The following IL12RB2 variants were observed in gnomAD, a reference collection of about 807,000 sequenced individuals.
IL12RB2 encodes the protein interleukin-12 receptor subunit beta-2.
Under a neutral mutation model 89.4 loss-of-function variants are expected in IL12RB2, and 82 were observed. That is an observed-to-expected ratio of 0.92 (90% CI 0.77 to 1.10). The LOEUF is 1.10. Among genes scored for constraint, IL12RB2 ranks in the 50% least tolerant of loss-of-function variants. The pLI is 0.00. For missense variants in IL12RB2, 963 were observed against 1,031.9 expected, an observed-to-expected ratio of 0.93 and a Z score of 0.92; for synonymous variants, 368 against 370.1, an observed-to-expected ratio of 0.99 and a Z score of 0.07.
chr1:67,339,224 C>T (rs1010432994), intron 9 of IL12RB2, among the ~76,000 whole-genome samples: 6 of 152,158 alleles, frequency 3.9e-5, no homozygotes, highest in South Asian at 2.1e-4. Context: ...CAGTGGCTCA[C>T]GCCTGTAATC....
chr1:67,357,362 A>T (rs1047098951), intron 10 of IL12RB2, among the ~76,000 whole-genome samples: 1 of 152,196 alleles, frequency 6.6e-6, no homozygotes, highest in Non-Finnish European at 1.5e-5. Flanking sequence ...TGGGTGACAG[A>T]GTGAGATTCT....
At chr1:67,346,378 ATTTTTTTT>A (rs10577525) in intron 9 of IL12RB2, among the ~76,000 whole-genome samples, 1,421 of 93,838 alleles carry the variant, frequency 0.015, 38 homozygotes, top group East Asian at 0.093. Context: ...AGGGTTGTCT[ATTTTTTTT>A]TTTTTTTTTT....
chr1:67,331,619 C>T (rs1423987972), intron 8 of IL12RB2, among the ~76,000 whole-genome samples: 1 of 152,132 alleles, frequency 6.6e-6, no homozygotes, highest in African/African-American at 2.4e-5. Context: ...GTGGGCAGAT[C>T]ACGAGGTCAG....
chr1:67,324,547 G>C (rs1358602509), intron 4 of IL12RB2, among the ~76,000 whole-genome samples: 1 of 152,104 alleles, frequency 6.6e-6, no homozygotes, highest in Admixed American at 6.6e-5. Flanking sequence ...GTAGAGACAG[G>C]GTTTCACCAT....
intron 9 of IL12RB2, 84 bp from the exon 10 acceptor site, chr1:67,350,786 T>G: frequency 6.3e-7 from 1 of 1,577,254 alleles, no homozygotes; most frequent in Non-Finnish European, 8.6e-7. Flanking sequence ...AGCTGCCTAG[T>G]ACATCTGTAC....
intron 9 of IL12RB2, among the ~76,000 whole-genome samples, chr1:67,347,129 A>G (rs1381595519): frequency 6.6e-6 from 1 of 152,188 alleles, no homozygotes; most frequent in Non-Finnish European, 1.5e-5. Flanking sequence ...TACAGCTGCT[A>G]TGTGGTAGAG....
chr1:67,371,420 A>G (rs1431077465), intron 11 of IL12RB2, among the ~76,000 whole-genome samples: 1 of 152,152 alleles, frequency 6.6e-6, no homozygotes, highest in Non-Finnish European at 1.5e-5. Flanking sequence ...CTTCCTGAAA[A>G]AAAAAAAAGT....
intron 15 of IL12RB2, 68 bp downstream of exon 15, chr1:67,386,737 A>C: frequency 1.9e-6 from 2 of 1,051,624 alleles, no homozygotes; most frequent in East Asian, 4.7e-5. Flanking sequence ...TGTTGCTGCC[A>C]TGGGTCAGGG....
chr1:67,361,468 A>G (rs1283088668), intron 10 of IL12RB2, among the ~76,000 whole-genome samples: 1 of 152,234 alleles, frequency 6.6e-6, no homozygotes, highest in Non-Finnish European at 1.5e-5. Flanking sequence ...ATTCTAAGAA[A>G]GGGTCAAAAA....
intron 13 of IL12RB2, 39 bp from the exon 14 acceptor site, chr1:67,379,947 C>T (rs1234277546): frequency 6.8e-7 from 1 of 1,475,858 alleles, no homozygotes; most frequent in Admixed American, 1.7e-5. Context: ...AAAGCCATAT[C>T]CTTTAATACA....
Position 67,380,002 on chromosome 1 carries a change from C to G in IL12RB2, c.1734C>G (p.Val578=). Reference sequence around the variant, plus strand: ...TCCTTTCAGAAATTCCCTACAGAGTCTCCCAAAATTCACATCCAATAAACA... The same window carrying G: ...TCCTTTCAGAAATTCCCTACAGAGTGTCCCAAAATTCACATCCAATAAACA... ...QPQLCEIPYR[V]SQNSHPINSL... The change falls in exon 14 of 17, where the codon GTC becomes GTG. Residue 578 remains valine, a synonymous_variant. Transcript: ENST00000674203. The G allele has an allele frequency of 1.2e-6, 2 of 1,611,074 alleles. No homozygotes were observed. The highest frequency in any genetic ancestry group is 1.7e-6 in the Non-Finnish European group (2 of 1,177,154).
At chr1:67,347,260 G>T (rs1660340355) in intron 9 of IL12RB2, among the ~76,000 whole-genome samples, 1 of 152,128 alleles carries the variant, frequency 6.6e-6, no homozygotes, top group Non-Finnish European at 1.5e-5. Context: ...GCTTTCTAAG[G>T]TCTAGATTAT....
At chr1:67,320,250 G>A (rs1656315787) in intron 2 of IL12RB2, 83 bp from the exon 3 acceptor site, 1 of 1,585,302 alleles carries the variant, frequency 6.3e-7, no homozygotes. Context: ...AAATAAAGCG[G>A]CACTTGAAGC....
chr1:67,364,101 A>G (rs1344985065), intron 10 of IL12RB2, among the ~76,000 whole-genome samples: 1 of 152,212 alleles, frequency 6.6e-6, no homozygotes, highest in East Asian at 1.9e-4. Flanking sequence ...TTAAATATAT[A>G]GACATATAGG....
chr1:67,318,031 C>T (rs897704693), intron 2 of IL12RB2, among the ~76,000 whole-genome samples: 1 of 152,112 alleles, frequency 6.6e-6, no homozygotes, highest in Non-Finnish European at 1.5e-5. Context: ...GAGGGGCTGT[C>T]TGGGGAAGTA....
intron 14 of IL12RB2, among the ~76,000 whole-genome samples, chr1:67,382,794 A>C (rs975112996): frequency 6.6e-6 from 1 of 151,422 alleles, no homozygotes; most frequent in African/African-American, 2.4e-5. Flanking sequence ...CAGCCTCAAA[A>C]TCCTGGGCCC....
rs1657597649 is a variant in IL12RB2, at chr1:67,328,286, C to A, written c.566C>A (p.Pro189His). 1 of 1,614,074 alleles carries A rather than the reference C, an allele frequency of 6.2e-7. No individual in the cohort carries two copies. Among genetic ancestry groups the A allele is most frequent in the Admixed American group, 1.7e-5 (1 of 60,006 alleles). Reference protein sequence around the residue: ...DYLDFGINLTPESPESNFTAK... With the variant: ...DYLDFGINLTHESPESNFTAK... ...TTGGACTTTGGAATCAACCTCACCC[C>A]TGAATCACCTGAATCCAATTTCACA... Residue 189 changes from proline (P) to histidine (H), a missense_variant, in exon 6 of 17, where the codon CCT becomes CAT. Physicochemically the swap from Pro to His is moderately conservative, Grantham distance 77 (BLOSUM62 -2). Coordinates refer to ENST00000674203, the MANE Select transcript of IL12RB2 (RefSeq NM_001374259.2).
intron 2 of IL12RB2, 132 bp downstream of exon 2, chr1:67,314,132 G>A: frequency 6.6e-6 from 1 of 152,280 alleles, no homozygotes; most frequent in African/African-American, 2.4e-5. Flanking sequence ...GTTGTCTGTG[G>A]TAGCCCAGAC....
chr1:67,322,376 A>G (rs1030428606), intron 4 of IL12RB2, among the ~76,000 whole-genome samples: 1 of 151,794 alleles, frequency 6.6e-6, no homozygotes, highest in South Asian at 2.1e-4. Flanking sequence ...ACAGAAGGTA[A>G]AAGAAAACAT....
Sources: gnomAD v4.1 joint callset for allele counts (sites outside exome capture counted in the v4.1 genomes callset) on GRCh38, gnomAD v4.1.1 for gene constraint, MANE v1.5 for transcripts, NCBI Gene and HGNC (gene_info 2026-07-23, HGNC 2026-07-21) for gene names.